PCDH15: variants seen among roughly 807,000 people sequenced by gnomAD.
PCDH15 encodes the protein protocadherin related 15.
A neutral mutation model predicts 178.5 loss-of-function variants in PCDH15; 129 were observed. That is an observed-to-expected ratio of 0.72 (90% CI 0.63 to 0.84). The LOEUF (loss-of-function observed/expected upper bound fraction) is 0.84, where lower values mean the gene tolerates loss of function less well. Among genes scored for constraint, PCDH15 ranks in the 40% least tolerant of loss-of-function variants. The pLI, the probability that PCDH15 is intolerant of heterozygous loss-of-function variation, is 0.00. For missense variants in PCDH15, 2,230 were observed against 2,099.9 expected, an observed-to-expected ratio of 1.06 and a Z score of -1.21; for synonymous variants, 800 against 732.0, an observed-to-expected ratio of 1.09 and a Z score of -1.50.
chr10:54,081,646 C>T (rs983640475), intron 16 of PCDH15, among the ~76,000 whole-genome samples: 5 of 152,030 alleles, frequency 3.3e-5, no homozygotes, highest in Non-Finnish European at 7.4e-5. Flanking sequence ...CGAGAAATAG[C>T]TCACAAAAAG....
chr10:54,388,285 T>G (rs1212559534), intron 3 of PCDH15, among the ~76,000 whole-genome samples: 1 of 152,154 alleles, frequency 6.6e-6, no homozygotes, highest in Non-Finnish European at 1.5e-5. Flanking sequence ...AGAACAATAG[T>G]TGAGTTTCGT....
At chr10:54,180,069 T>C (rs1177828914) in intron 13 of PCDH15, among the ~76,000 whole-genome samples, 1 of 152,158 alleles carries the variant, frequency 6.6e-6, no homozygotes, top group East Asian at 1.9e-4. Context: ...GAATGAAAAA[T>C]GAAATTATCT....
chr10:53,946,281 A>G (rs1241555841), intron 23 of PCDH15, among the ~76,000 whole-genome samples: 1 of 152,094 alleles, frequency 6.6e-6, no homozygotes, highest in Non-Finnish European at 1.5e-5. Context: ...TGGTTCACAT[A>G]GTGACACTGT....
intron 2 of PCDH15, among the ~76,000 whole-genome samples, chr10:55,590,775 T>A (rs1296841365): frequency 6.6e-6 from 1 of 152,156 alleles, no homozygotes; most frequent in Non-Finnish European, 1.5e-5. Flanking sequence ...ATATGGTATA[T>A]CATCAATGCC....
chr10:54,861,073 G>A (rs1479285355), intron 3 of PCDH15, among the ~76,000 whole-genome samples: 3 of 151,952 alleles, frequency 2.0e-5, no homozygotes, highest in African/African-American at 7.2e-5. Flanking sequence ...CTTTAATCTA[G>A]AGAAATGAAA....
chr10:55,550,182 C>A (rs1383644587), intron 2 of PCDH15, among the ~76,000 whole-genome samples: 4 of 152,082 alleles, frequency 2.6e-5, no homozygotes, highest in African/African-American at 9.7e-5. Flanking sequence ...CAAATAAATG[C>A]ATGTCTTCTT....
chr10:54,333,003 G>C (rs534228386), intron 6 of PCDH15, among the ~76,000 whole-genome samples: 1 of 152,058 alleles, frequency 6.6e-6, no homozygotes, highest in Admixed American at 6.6e-5. Flanking sequence ...GAGTGCAGTG[G>C]TGCAATCTCA....
intron 2 of PCDH15, among the ~76,000 whole-genome samples, chr10:54,992,484 G>C (rs563754657): frequency 1.3e-5 from 2 of 152,112 alleles, no homozygotes. Flanking sequence ...CGGGCGCAGC[G>C]GCTGACGTCT....
chr10:55,188,033 T>C (rs1255293477), intron 1 of PCDH15, among the ~76,000 whole-genome samples: 1 of 151,844 alleles, frequency 6.6e-6, no homozygotes, highest in Non-Finnish European at 1.5e-5. Context: ...AGGGTGGTAG[T>C]TTTGGAGGAG....
chr10:54,464,300 A>G (rs2077382214), intron 3 of PCDH15, among the ~76,000 whole-genome samples: 1 of 152,182 alleles, frequency 6.6e-6, no homozygotes, highest in Non-Finnish European at 1.5e-5. Context: ...GGAGATTTTA[A>G]TATTGAAGAG....
intron 1 of PCDH15, among the ~76,000 whole-genome samples, chr10:55,264,940 A>T (rs1354982600): frequency 6.6e-6 from 1 of 152,042 alleles, no homozygotes; most frequent in African/African-American, 2.4e-5. Context: ...TGTAAGATTG[A>T]CCCAGCCCTC....
intron 3 of PCDH15, among the ~76,000 whole-genome samples, chr10:54,874,252 T>C (rs1467587723): frequency 6.9e-6 from 1 of 143,970 alleles, no homozygotes; most frequent in Non-Finnish European, 1.5e-5. Context: ...GATAGTTTAC[T>C]GAGAATGATG....
intron 2 of PCDH15, among the ~76,000 whole-genome samples, chr10:54,660,202 A>G (rs763488297): frequency 6.6e-6 from 1 of 152,106 alleles, no homozygotes; most frequent in Non-Finnish European, 1.5e-5. Flanking sequence ...TTAAGGAACA[A>G]AAAGAGAAGA....
chr10:55,452,882 A>C (rs1839466627), intron 2 of PCDH15, among the ~76,000 whole-genome samples: 1 of 152,198 alleles, frequency 6.6e-6, no homozygotes, highest in South Asian at 2.1e-4. Context: ...ACCTTCAAAG[A>C]GTATATACTA....
At chr10:54,028,944 T>TAATA in intron 18 of PCDH15, among the ~76,000 whole-genome samples, 2 of 145,076 alleles carry the variant, frequency 1.4e-5, no homozygotes, top group East Asian at 2.0e-4. Flanking sequence ...ATAATAATAA[T>TAATA]AAAAAAAAGA....
intron 26 of PCDH15, among the ~76,000 whole-genome samples, chr10:53,899,109 TATAAC>T (rs1473501369): frequency 2.8e-5 from 4 of 144,318 alleles, no homozygotes; most frequent in Non-Finnish European, 6.1e-5. Flanking sequence ...TAGATTTAAT[TATAAC>T]ATATGTTTTT....
chr10:54,942,893 T>C (rs898394372), intron 2 of PCDH15, among the ~76,000 whole-genome samples: 2 of 152,018 alleles, frequency 1.3e-5, no homozygotes, highest in African/African-American at 4.8e-5. Context: ...CAGATTAAGC[T>C]AAAGAGTGTC....
intron 3 of PCDH15, among the ~76,000 whole-genome samples, chr10:54,823,593 G>T (rs1953082134): frequency 6.6e-6 from 1 of 152,070 alleles, no homozygotes; most frequent in Non-Finnish European, 1.5e-5. Context: ...TATCAGACTT[G>T]AATCTAATTT....
chr10:55,374,711 A>C (rs1351531552), intron 2 of PCDH15, among the ~76,000 whole-genome samples: 2 of 152,074 alleles, frequency 1.3e-5, no homozygotes, highest in Non-Finnish European at 2.9e-5. Flanking sequence ...AAAGGGATGA[A>C]ATGATTTTAA....
Sources: allele counts gnomAD v4.1 joint callset (sites outside exome capture counted in the v4.1 genomes callset), GRCh38; gene constraint gnomAD v4.1.1; transcripts MANE v1.5; gene names NCBI Gene and HGNC (gene_info 2026-07-23, HGNC 2026-07-21).